Variants in COL13A1 observed in about 807,000 individuals in gnomAD.
COL13A1 encodes collagen type XIII alpha 1 chain.
A neutral mutation model predicts 130.9 loss-of-function variants in COL13A1; 89 were observed. The ratio of observed to expected loss-of-function variants is 0.68; its 90% confidence interval spans 0.57 to 0.81. The LOEUF (loss-of-function observed/expected upper bound fraction) is 0.81, where lower values mean the gene tolerates loss of function less well. COL13A1 is among the 30% of genes least tolerant of loss of function. The probability of loss-of-function intolerance (pLI) is 0.00; values close to 1 mark genes in which losing one functional copy is unlikely to be tolerated. For synonymous variants in COL13A1, 402 were observed against 341.6 expected, an observed-to-expected ratio of 1.18 and a Z score of -1.95; for missense variants, 879 against 934.6, an observed-to-expected ratio of 0.94 and a Z score of 0.78.
chr10:69,807,141 C>G (rs1460664952), intron 1 of COL13A1, among the ~76,000 whole-genome samples: 1 of 152,208 alleles, frequency 6.6e-6, no homozygotes, highest in East Asian at 1.9e-4. Flanking sequence ...GTAATAACAT[C>G]AGAAACTGTA....
chr10:69,872,420 G>C (rs2059167474), intron 4 of COL13A1, among the ~76,000 whole-genome samples: 2 of 152,210 alleles, frequency 1.3e-5, no homozygotes, highest in South Asian at 4.1e-4. Flanking sequence ...GGCATCTTTA[G>C]CTACAGCCCT....
chr10:69,946,717 A>G (rs1320671320), intron 37 of COL13A1, among the ~76,000 whole-genome samples: 1 of 152,122 alleles, frequency 6.6e-6, no homozygotes, highest in African/African-American at 2.4e-5. Flanking sequence ...TGCGGTAGTG[A>G]CCTCGGGAAA....
chr10:69,891,493 G>GCTGGC (rs1276653646), intron 10 of COL13A1, among the ~76,000 whole-genome samples: 3 of 152,228 alleles, frequency 2.0e-5, no homozygotes, highest in African/African-American at 7.2e-5. Context: ...TGGCAGAAGA[G>GCTGGC]CTGGCGCTGG....
chr10:69,915,726 C>T (rs922928941), intron 17 of COL13A1, among the ~76,000 whole-genome samples: 11 of 152,178 alleles, frequency 7.2e-5, no homozygotes, highest in African/African-American at 1.9e-4. Context: ...AGTCAGTGTG[C>T]GAGGGCAGCT....
intron 2 of COL13A1, among the ~76,000 whole-genome samples, chr10:69,826,312 T>A (rs1847473343): frequency 6.6e-6 from 1 of 152,166 alleles, no homozygotes; most frequent in Non-Finnish European, 1.5e-5. Flanking sequence ...CTAGCTCAGC[T>A]GCTGAAGGAA....
At chr10:69,850,030 G>A (rs182864343) in intron 2 of COL13A1, among the ~76,000 whole-genome samples, 1 of 152,238 alleles carries the variant, frequency 6.6e-6, no homozygotes, top group East Asian at 1.9e-4. Flanking sequence ...AACACATAGT[G>A]ACGGTGACAG....
intron 4 of COL13A1, among the ~76,000 whole-genome samples, chr10:69,872,988 G>A (rs1375716758): frequency 6.6e-6 from 1 of 152,148 alleles, no homozygotes; most frequent in South Asian, 2.1e-4. Context: ...ACTTTGCTCT[G>A]TGGAGTCTAG....
chr10:69,910,016 A>C (rs994207710), intron 17 of COL13A1, among the ~76,000 whole-genome samples: 12 of 152,324 alleles, frequency 7.9e-5, no homozygotes, highest in Middle Eastern at 3.4e-3. Context: ...ACCCTGGTGC[A>C]GAAGTTGAAT....
chr10:69,907,703 A>G (rs1399409761), intron 17 of COL13A1, among the ~76,000 whole-genome samples: 2 of 143,168 alleles, frequency 1.4e-5, no homozygotes, highest in Non-Finnish European at 3.1e-5. Context: ...CAATAACTAA[A>G]CCACTCCCAT....
At chr10:69,931,072 G>C in intron 30 of COL13A1, 1 of 423,598 alleles carries the variant, frequency 2.4e-6, no homozygotes, top group Non-Finnish European at 4.8e-6. Context: ...CTTGGAGCAA[G>C]GGAGCCACAT....
Position 69,888,257 on chromosome 10 carries a change from G to A in COL13A1, c.550-47G>A, listed in dbSNP as rs760331721. On this transcript the variant is annotated intron_variant, in intron 8 of 40. Transcript: ENST00000645393. ...CACTGCCCAGGCAGCCTCTTTGGCA[G>A]GAGTCCTGTGATGCTCAGTCTTTAC... 3 of 1,608,360 alleles carry A rather than the reference G, an allele frequency of 1.9e-6. No homozygotes were observed. The South Asian group carries it at 3.3e-5, about 18-fold the overall frequency.
At chr10:69,919,176 C>T in intron 20 of COL13A1, 88 bp downstream of exon 20, 10 of 1,557,258 alleles carry the variant, frequency 6.4e-6, no homozygotes, top group African/African-American at 1.4e-5. Flanking sequence ...TGCTCTTGGT[C>T]CCCCTGAGGC....
intron 1 of COL13A1, among the ~76,000 whole-genome samples, chr10:69,810,450 C>A (rs1842760856): frequency 6.6e-6 from 1 of 151,838 alleles, no homozygotes; most frequent in South Asian, 2.1e-4. Flanking sequence ...TTACCCGGGT[C>A]CCAAGCAGTG....
At chr10:69,842,495 G>T (rs1412112451) in intron 2 of COL13A1, among the ~76,000 whole-genome samples, 2 of 152,120 alleles carry the variant, frequency 1.3e-5, no homozygotes, top group African/African-American at 4.8e-5. Flanking sequence ...CTGTAGCCCT[G>T]CTCCCTACCC....
chr10:69,850,151 C>T (rs1854332707), intron 2 of COL13A1, among the ~76,000 whole-genome samples: 1 of 151,934 alleles, frequency 6.6e-6, no homozygotes, highest in South Asian at 2.1e-4. Flanking sequence ...AGACGAGATC[C>T]AAATGTCCAT....
intron 7 of COL13A1, among the ~76,000 whole-genome samples, chr10:69,882,570 G>T (rs550052280): frequency 1.1e-4 from 17 of 152,210 alleles, no homozygotes; most frequent in Admixed American, 4.6e-4. Flanking sequence ...TTACAGAGGA[G>T]AGAACAGTTT....
At chr10:69,923,253 T>A (rs1236528947) in intron 23 of COL13A1, among the ~76,000 whole-genome samples, 1 of 152,208 alleles carries the variant, frequency 6.6e-6, no homozygotes, top group Non-Finnish European at 1.5e-5. Flanking sequence ...CCCCACCTGG[T>A]ACCAGCACAT....
intron 3 of COL13A1, among the ~76,000 whole-genome samples, chr10:69,871,329 A>T (rs139783539): frequency 6.6e-6 from 1 of 152,270 alleles, no homozygotes; most frequent in African/African-American, 2.4e-5. Context: ...TGAGAGGTCC[A>T]CATTGCTGAG....
At position 69,888,201 on chromosome 10, in the gene COL13A1, C is replaced by A. The variant is rs933523961; in HGVS notation, c.550-103C>A. 2.1e-6 allele frequency: 3 copies of A among 1,412,238 alleles called. No individual in the cohort carries two copies. In the African/African-American group the frequency reaches 4.3e-5, roughly 20 times the overall value. 87.5% of individuals were successfully genotyped at this position (1,412,238 alleles called of 1,614,324 possible). Reference sequence around the variant, plus strand: ...GGTCAAGCAGGGCCTTGAGCTCCAACTTATCAGAATCCAGAATCTGTGCTT... The same window carrying A: ...GGTCAAGCAGGGCCTTGAGCTCCAAATTATCAGAATCCAGAATCTGTGCTT... On this transcript the variant is annotated intron_variant, in intron 8 of 40. Transcript: ENST00000645393.
Sources: allele counts gnomAD v4.1 joint callset (sites outside exome capture counted in the v4.1 genomes callset), GRCh38; gene constraint gnomAD v4.1.1; transcripts MANE v1.5; gene names NCBI Gene and HGNC (gene_info 2026-07-23, HGNC 2026-07-21).